MGAT4C: variants seen among roughly 807,000 people sequenced by gnomAD.
The protein encoded by MGAT4C is alpha-1,3-mannosyl-glycoprotein 4-beta-N-acetylglucosaminyltransferase C.
MGAT4C carries 19 observed loss-of-function variants against 40.1 expected under a neutral mutation model. That is an observed-to-expected ratio of 0.47 (90% CI 0.33 to 0.70). The LOEUF (loss-of-function observed/expected upper bound fraction) is 0.70, where lower values mean the gene tolerates loss of function less well. MGAT4C is among the 30% of genes least tolerant of loss of function. The pLI is 0.02. For synonymous variants in MGAT4C, 181 were observed against 187.1 expected (o/e 0.97, Z 0.27); for missense variants, 491 against 563.2 (o/e 0.87, Z 1.30).
At chr12:86,085,688 T>C (rs1395610594) in intron 1 of MGAT4C, among the ~76,000 whole-genome samples, 6 of 152,124 alleles carry the variant, frequency 3.9e-5, no homozygotes, top group Non-Finnish European at 7.4e-5. Context: ...TAAACAAATT[T>C]ACAAGAAAAA....
chr12:86,122,571 C>A (rs546249841), intron 1 of MGAT4C, among the ~76,000 whole-genome samples: 2 of 152,062 alleles, frequency 1.3e-5, no homozygotes, highest in Admixed American at 6.6e-5. Flanking sequence ...AGCATTTCAT[C>A]TACGTTAATT....
chr12:86,771,137 G>T (rs1019178205), intron 1 of MGAT4C, among the ~76,000 whole-genome samples: 7 of 152,190 alleles, frequency 4.6e-5, no homozygotes, highest in Admixed American at 3.9e-4. Flanking sequence ...TCAAGCTAAG[G>T]AAAGAGGCCT....
chr12:86,225,055 AG>A (rs1321069454), intron 1 of MGAT4C, among the ~76,000 whole-genome samples: 1 of 152,104 alleles, frequency 6.6e-6, no homozygotes, highest in Admixed American at 6.5e-5. Flanking sequence ...TAACCAAGAA[AG>A]GAAGATCCAA....
chr12:86,282,529 T>C (rs1286022284), intron 4 of MGAT4C, among the ~76,000 whole-genome samples: 3 of 152,200 alleles, frequency 2.0e-5, no homozygotes, highest in Non-Finnish European at 2.9e-5. Context: ...AAATAAAATA[T>C]TGAAACAGCT....
chr12:85,998,425 A>G (rs186907653), intron 2 of MGAT4C, among the ~76,000 whole-genome samples: 7 of 152,306 alleles, frequency 4.6e-5, no homozygotes, highest in Admixed American at 2.0e-4. Flanking sequence ...GTTTCTCTTC[A>G]GAAAATGGGA....
chr12:86,529,708 C>G (rs1958946459), intron 2 of MGAT4C, among the ~76,000 whole-genome samples: 2 of 151,726 alleles, frequency 1.3e-5, no homozygotes, highest in African/African-American at 2.4e-5. Context: ...CAGAAGCTTC[C>G]AAAGTAAAGG....
intron 3 of MGAT4C, among the ~76,000 whole-genome samples, chr12:86,369,267 T>C (rs1367612783): frequency 6.6e-6 from 1 of 151,922 alleles, no homozygotes; most frequent in Non-Finnish European, 1.5e-5. Flanking sequence ...GTGAGTCTCT[T>C]ATAGACAGCA....
rs5799763 is a variant in MGAT4C at position 85,957,657 on chromosome 12, C to CAAAAAAAAAAAAAAAAAA, written c.*21631_*21632insTTTTTTTTTTTTTTTTTT. Reference sequence around the variant, plus strand: ...TTTACTGTAGAGTTGAATAAGAAAGCAAAAAAAAAAAAAAAAGAAAAAAGA... The same window carrying CAAAAAAAAAAAAAAAAAA: ...TTTACTGTAGAGTTGAATAAGAAAGCAAAAAAAAAAAAAAAAAAAAAAAAAAAAAAAAAAGAAAAAAGA... On this transcript the variant is annotated 3_prime_UTR_variant, in exon 5 of 5. Coordinates refer to ENST00000611864, the MANE Select transcript of MGAT4C (RefSeq NM_001351288.2). 2.0e-5 allele frequency: 2 copies of CAAAAAAAAAAAAAAAAAA among 101,272 alleles called. No individual in the cohort carries two copies. Among genetic ancestry groups the CAAAAAAAAAAAAAAAAAA allele is most frequent in the South Asian group, 3.3e-4 (1 of 2,996 alleles). 6.3% of individuals were successfully genotyped at this position (101,272 alleles called of 1,614,324 possible). A position where few individuals can be genotyped will look rare whatever the true frequency, so the allele number is the denominator to read the frequency against.
At chr12:86,458,663 G>A (rs1226874270) in intron 2 of MGAT4C, among the ~76,000 whole-genome samples, 1 of 152,168 alleles carries the variant, frequency 6.6e-6, no homozygotes, top group African/African-American at 2.4e-5. Context: ...TATAACCTAT[G>A]CACATGGAAT....
chr12:86,147,390 C>T (rs961526876), intron 1 of MGAT4C, among the ~76,000 whole-genome samples: 1 of 152,092 alleles, frequency 6.6e-6, no homozygotes, highest in Non-Finnish European at 1.5e-5. Context: ...TACAGGCACC[C>T]GCCACCACGC....
At chr12:86,375,337 G>C (rs1270401209) in intron 3 of MGAT4C, among the ~76,000 whole-genome samples, 1 of 152,068 alleles carries the variant, frequency 6.6e-6, no homozygotes, top group Non-Finnish European at 1.5e-5. Context: ...CTGTTGTGTT[G>C]TTACTGAACT....
intron 1 of MGAT4C, among the ~76,000 whole-genome samples, chr12:86,112,355 C>T (rs759814547): frequency 4.6e-5 from 7 of 151,200 alleles, no homozygotes; most frequent in South Asian, 2.1e-4. Flanking sequence ...TGCAATGAGA[C>T]GTACTTAATG....
intron 1 of MGAT4C, among the ~76,000 whole-genome samples, chr12:86,769,033 G>A (rs4310674): frequency 1.3e-5 from 2 of 151,086 alleles, no homozygotes; most frequent in African/African-American, 4.9e-5. Context: ...CTAATTAAAC[G>A]AAAGAGCTTC....
intron 1 of MGAT4C, among the ~76,000 whole-genome samples, chr12:86,770,426 TTAAA>T (rs1393628570): frequency 1.3e-5 from 2 of 152,132 alleles, no homozygotes; most frequent in Non-Finnish European, 2.9e-5. Flanking sequence ...TTGCATTTTG[TTAAA>T]TAATCAAATG....
intron 2 of MGAT4C, among the ~76,000 whole-genome samples, chr12:86,684,555 G>T (rs1251818342): frequency 2.0e-5 from 3 of 152,170 alleles, no homozygotes; most frequent in African/African-American, 7.2e-5. Flanking sequence ...CCAGTAATGG[G>T]ATTGGTATGT....
At chr12:86,150,956 T>C (rs1005122592) in intron 1 of MGAT4C, among the ~76,000 whole-genome samples, 2 of 152,168 alleles carry the variant, frequency 1.3e-5, no homozygotes, top group South Asian at 2.1e-4. Flanking sequence ...AGGGTTTTTA[T>C]TGGGGGTCAG....
At chr12:86,671,911 A>G (rs1964264224) in intron 2 of MGAT4C, among the ~76,000 whole-genome samples, 2 of 152,100 alleles carry the variant, frequency 1.3e-5, no homozygotes, top group Non-Finnish European at 2.9e-5. Flanking sequence ...AATCAACCAA[A>G]AAATGGAAAT....
intron 2 of MGAT4C, among the ~76,000 whole-genome samples, chr12:86,679,115 C>G (rs571927778): frequency 6.6e-6 from 1 of 152,124 alleles, no homozygotes; most frequent in South Asian, 2.1e-4. Context: ...TTTTAATGAT[C>G]GCCATTCTAA....
rs887177959 is a variant in MGAT4C, at chr12:85,971,524, G to A, written c.*7765C>T. ...TCTCATTGTAGTTCATCCCATGGCA[G>A]AAAAGTGTTTATCCACTTAGTAAAA... On this transcript the variant is annotated 3_prime_UTR_variant, in exon 5 of 5. Coordinates refer to ENST00000611864, the MANE Select transcript of MGAT4C (RefSeq NM_001351288.2). 1.3e-5 allele frequency: 2 copies of A among 151,302 alleles called. No individual in the cohort carries two copies. Among genetic ancestry groups the A allele is most frequent in the South Asian group, 4.2e-4 (2 of 4,814 alleles). The allele number at this position is 151,302 out of a possible 1,614,324, so 9.4% of individuals were successfully genotyped here.
Sources: gnomAD v4.1 joint callset for allele counts (sites outside exome capture counted in the v4.1 genomes callset) on GRCh38, gnomAD v4.1.1 for gene constraint, MANE v1.5 for transcripts, NCBI Gene and HGNC (gene_info 2026-07-23, HGNC 2026-07-21) for gene names.